WDR17: variants seen among roughly 807,000 people sequenced by gnomAD.
WDR17 encodes WD repeat domain 17, also known as WD repeat-containing protein 17.
In WDR17, 143 loss-of-function variants were observed where a neutral mutation model predicts 161.7. That is an observed-to-expected ratio of 0.88 (90% CI 0.77 to 1.02). The LOEUF (loss-of-function observed/expected upper bound fraction) is 1.02. Ranked by LOEUF, WDR17 falls within the 50% of genes least tolerant of loss-of-function variation. The probability of loss-of-function intolerance (pLI) is 0.00; values close to 1 mark genes in which losing one functional copy is unlikely to be tolerated. For missense variants in WDR17, 1,469 were observed against 1,520.9 expected (o/e 0.97, Z 0.57); for synonymous variants, 517 against 515.6 (o/e 1.00, Z -0.04).
chr4:176,153,315 G>A (rs963814355), intron 17 of WDR17, among the ~76,000 whole-genome samples: 4 of 152,198 alleles, frequency 2.6e-5, no homozygotes, highest in Non-Finnish European at 5.9e-5. Flanking sequence ...AAGGGTTTCT[G>A]CTGAATATCA....
chr4:176,179,183 G>A (rs964653596), intron 28 of WDR17, among the ~76,000 whole-genome samples: 1 of 152,198 alleles, frequency 6.6e-6, no homozygotes, highest in East Asian at 1.9e-4. Context: ...AAACATATTT[G>A]TCATTGGCAT....
rs1743472687 is a variant in WDR17 at position 176,131,653 on chromosome 4, C to T, written c.1013C>T (p.Pro338Leu). The T allele has an allele frequency of 1.2e-6, 2 of 1,613,776 alleles. No homozygotes were observed. The highest frequency in any genetic ancestry group is 2.2e-5 in the South Asian group (2 of 91,064). ...LTQNQAFSLP[P>L]GHAVCCFLDG... ...CAGAATCAAGCATTTTCTCTTCCTCCTGGTCATGCAGTGTGTTGTTTCTTG... is the reference window on the plus strand; with the variant it reads ...CAGAATCAAGCATTTTCTCTTCCTCTTGGTCATGCAGTGTGTTGTTTCTTG... The change falls in exon 7 of 29, where the codon CCT (proline) becomes CTT (leucine). Residue 338 changes from proline (P) to leucine (L), a missense_variant. By Grantham distance (98) the Pro-to-Leu change is moderately conservative (BLOSUM62 -3). Coordinates refer to ENST00000508596, the MANE Select transcript of WDR17 (RefSeq NM_181265.4).
At position 176,163,276 on chromosome 4, in the gene WDR17, CATG is replaced by C; in HGVS notation, c.2979_2981del (p.Met993del). Reference sequence around the variant, plus strand: ...CCTTAGAATTACTGGCGAGAAAGTGCATGATGATTTCAGTATGGTAAGAATTTT... The same window carrying C: ...CCTTAGAATTACTGGCGAGAAAGTGCATGATTTCAGTATGGTAAGAATTTT... On this transcript the variant is annotated inframe_deletion, in exon 22 of 29. Coordinates refer to ENST00000508596, the MANE Select transcript of WDR17 (RefSeq NM_181265.4). 6.2e-7 allele frequency: 1 copy of C among 1,609,344 alleles called. No homozygotes were observed. Among genetic ancestry groups the C allele is most frequent in the Non-Finnish European group, 8.5e-7 (1 of 1,178,408 alleles).
intron 1 of WDR17, among the ~76,000 whole-genome samples, chr4:176,097,742 T>TACACACAC (rs35130339): frequency 3.5e-5 from 5 of 143,144 alleles, no homozygotes; most frequent in African/African-American, 7.9e-5. Flanking sequence ...CACACACACA[T>TACACACAC]ACACACACAC....
At chr4:176,135,027 A>G in intron 7 of WDR17, 81 bp from the exon 8 acceptor site, 4 of 1,418,460 alleles carry the variant, frequency 2.8e-6, no homozygotes, top group Non-Finnish European at 2.9e-6. Flanking sequence ...ACATGTGTCA[A>G]TTTGAGTAAA....
At chr4:176,075,412 T>A (rs1026240619) in intron 1 of WDR17, among the ~76,000 whole-genome samples, 3 of 152,140 alleles carry the variant, frequency 2.0e-5, no homozygotes, top group Admixed American at 2.0e-4. Context: ...GAAAACAATA[T>A]AAGATTTTAA....
intron 4 of WDR17, among the ~76,000 whole-genome samples, chr4:176,121,774 A>G (rs1212035395): frequency 6.6e-6 from 1 of 152,172 alleles, no homozygotes; most frequent in Non-Finnish European, 1.5e-5. Flanking sequence ...GCTTATTTTG[A>G]CATAGAAATA....
intron 23 of WDR17, among the ~76,000 whole-genome samples, chr4:176,169,015 T>A (rs887197515): frequency 2.0e-5 from 3 of 152,130 alleles, no homozygotes; most frequent in Non-Finnish European, 4.4e-5. Context: ...TCATAAAACT[T>A]TGAAAAGCAT....
Position 176,165,787 on chromosome 4 carries a change from CTA to C in WDR17, c.2990+2498_2990+2499del, listed in dbSNP as rs567744681. Among the ~76,000 whole-genome samples, 302 of 152,256 alleles carry C rather than the reference CTA, an allele frequency of 2.0e-3. 4 individuals are homozygous for C. Among genetic ancestry groups the C allele is most frequent in the Admixed American group, 2.9e-3 (44 of 15,284 alleles). ...ATATGATTAAACATTTTTCAGTTAA[CTA>C]TATGTCTTAATTACTTTTAAGAAAA... is the stretch of plus-strand genomic sequence containing the variant. On this transcript the variant is annotated intron_variant, in intron 22 of 28. Transcript: ENST00000508596.
At chr4:176,120,319 T>TATATATATAA (rs1491272016) in intron 4 of WDR17, among the ~76,000 whole-genome samples, 1 of 138,758 alleles carries the variant, frequency 7.2e-6, no homozygotes, top group African/African-American at 2.6e-5. Context: ...TATATATATA[T>TATATATATAA]AATACATTCA....
At chr4:176,169,576 A>G (rs1750401276) in intron 23 of WDR17, among the ~76,000 whole-genome samples, 1 of 152,204 alleles carries the variant, frequency 6.6e-6, no homozygotes, top group Non-Finnish European at 1.5e-5. Flanking sequence ...AAATGATAAG[A>G]TATAAGTACA....
intron 3 of WDR17, among the ~76,000 whole-genome samples, chr4:176,119,213 C>T (rs1011052380): frequency 4.2e-4 from 63 of 151,736 alleles, no homozygotes; most frequent in Non-Finnish European, 1.6e-4. Flanking sequence ...GTAAATGTAC[C>T]TTTACATAAA....
chr4:176,085,153 T>C (rs563138985), intron 1 of WDR17, among the ~76,000 whole-genome samples: 2 of 152,232 alleles, frequency 1.3e-5, no homozygotes, highest in Admixed American at 1.3e-4. Context: ...CTGCTAGGAT[T>C]TTTGATTAGG....
At chr4:176,120,166 G>T (rs936638503) in intron 4 of WDR17, 69 bp downstream of exon 4, 5 of 1,227,276 alleles carry the variant, frequency 4.1e-6, no homozygotes, top group Non-Finnish European at 5.6e-6. Flanking sequence ...TACTTGCTTG[G>T]TCTTTCTAGT....
At chr4:176,173,016 A>T (rs1750960945) in intron 24 of WDR17, among the ~76,000 whole-genome samples, 1 of 152,204 alleles carries the variant, frequency 6.6e-6, no homozygotes, top group African/African-American at 2.4e-5. Context: ...TATATCAATG[A>T]TCAACTTAAA....
chr4:176,160,003 C>T lies in WDR17; in HGVS notation c.2535C>T (p.Asp845=). The change falls in exon 19 of 29, where the codon GAC becomes GAT. Residue 845 remains aspartate, a synonymous_variant. Coordinates refer to ENST00000508596, the MANE Select transcript of WDR17 (RefSeq NM_181265.4). ...GTCCTTATTTTATTAGGAGAGCTGA[C>T]CAATTAATCCAGGAAGATAAGGATG... The part of the protein sequence containing the change: ...YWKKLMQRRA[D]QLIQEDKDDV... 1 of 1,603,636 alleles carries T rather than the reference C, an allele frequency of 6.2e-7. No homozygotes were observed. Among genetic ancestry groups the T allele is most frequent in the Non-Finnish European group, 8.5e-7 (1 of 1,173,284 alleles).
rs767775531 is a variant in WDR17 at position 176,151,866 on chromosome 4, G to C, written c.2359G>C (p.Gly787Arg). 8.1e-6 allele frequency: 13 copies of C among 1,611,732 alleles called. No individual in the cohort carries two copies. The highest frequency in any genetic ancestry group is 1.1e-5 in the Non-Finnish European group (13 of 1,179,194). Residue 787 changes from glycine (G) to arginine (R), a missense_variant, in exon 17 of 29, where the codon GGT (glycine) becomes CGT (arginine). Coordinates refer to ENST00000508596, the MANE Select transcript of WDR17 (RefSeq NM_181265.4). The part of the protein sequence containing the change: ...VKMSKFGGGI[G>R]VPAKEERLKE... Reference sequence around the variant, plus strand: ...GATGTCTAAATTTGGTGGTGGTATTGGTGTACCTGCTAAAGAGGAAAGACT... The same window carrying C: ...GATGTCTAAATTTGGTGGTGGTATTCGTGTACCTGCTAAAGAGGAAAGACT...
At chr4:176,172,235 A>C in intron 23 of WDR17, 140 bp from the exon 24 acceptor site, 1 of 735,482 alleles carries the variant, frequency 1.4e-6, no homozygotes, top group Non-Finnish European at 2.2e-6. Flanking sequence ...CTCTTAATTC[A>C]AATAATTTCA....
chr4:176,180,478 G>A lies in WDR17; in HGVS notation c.*899G>A, dbSNP rs1237918117. 1 of 152,256 alleles carries A rather than the reference G, an allele frequency of 6.6e-6. No individual in the cohort carries two copies. Among genetic ancestry groups the A allele is most frequent in the East Asian group, 1.9e-4 (1 of 5,192 alleles). 9.4% of individuals were successfully genotyped at this position (152,256 alleles called of 1,614,324 possible). On this transcript the variant is annotated 3_prime_UTR_variant, in exon 29 of 29. Transcript: ENST00000508596. Reference sequence around the variant, plus strand: ...AATCTCAGCACTTTGGCAGGCCAAGGCAGGTGGATCACCTGAGGTCAGGAG... The same window carrying A: ...AATCTCAGCACTTTGGCAGGCCAAGACAGGTGGATCACCTGAGGTCAGGAG...
Sources: allele counts gnomAD v4.1 joint callset (sites outside exome capture counted in the v4.1 genomes callset), GRCh38; gene constraint gnomAD v4.1.1; transcripts MANE v1.5; gene names NCBI Gene and HGNC (gene_info 2026-07-23, HGNC 2026-07-21).